The following ANO10 variants were observed in gnomAD, a reference collection of about 807,000 sequenced individuals.
ANO10 encodes anoctamin 10, also known as anoctamin-10.
In ANO10, 77 loss-of-function variants were observed where a neutral mutation model predicts 74.7. The observed-to-expected ratio is 1.03, with a 90% confidence interval of 0.86 to 1.25. ANO10 has a LOEUF of 1.25. Ranked by LOEUF, ANO10 falls within the 50% of genes most tolerant of loss-of-function variation. The probability of loss-of-function intolerance (pLI) is 0.00; values close to 1 mark genes in which losing one functional copy is unlikely to be tolerated. For synonymous variants in ANO10, 279 were observed against 284.9 expected (o/e 0.98, Z 0.21); for missense variants, 721 against 778.1 (o/e 0.93, Z 0.87).
At position 43,383,378 on chromosome 3, in the gene ANO10, T is replaced by C. The variant is rs556259513; in HGVS notation, c.1915-16404A>G. Among the ~76,000 whole-genome samples the C allele has an allele frequency of 3.6e-5, 5 of 140,814 alleles. No individual in the cohort carries two copies. In the East Asian group the frequency reaches 1.0e-3, roughly 29 times the overall value. The allele number at this position is 140,814 out of a possible 152,430, so 92.4% of individuals were successfully genotyped here. A position where few individuals can be genotyped will look rare whatever the true frequency, so the allele number is the denominator to read the frequency against. ...CTGACACAGGAGAATGGCGTGAACA[T>C]GGAAGGCAGAGCTTGCAGTGAGCCG... is the stretch of plus-strand genomic sequence containing the variant. On this transcript the variant is annotated intron_variant, in intron 12 of 12. Transcript: ENST00000292246.
At chr3:43,519,654 A>C (rs1460335203) in intron 11 of ANO10, among the ~76,000 whole-genome samples, 1 of 152,140 alleles carries the variant, frequency 6.6e-6, no homozygotes, top group Non-Finnish European at 1.5e-5. Flanking sequence ...ACTAGCCTCT[A>C]CATCAAGTAT....
intron 12 of ANO10, among the ~76,000 whole-genome samples, chr3:43,376,541 T>A (rs148820989): frequency 4.5e-4 from 68 of 152,342 alleles, no homozygotes; most frequent in African/African-American, 1.4e-3. Context: ...ACTTCTGGAA[T>A]GACCATCAAC....
chr3:43,503,666 A>G (rs902109984), intron 11 of ANO10, among the ~76,000 whole-genome samples: 2 of 152,214 alleles, frequency 1.3e-5, no homozygotes, highest in African/African-American at 4.8e-5. Flanking sequence ...CTATGAAAAC[A>G]TCTCTGAAGA....
At chr3:43,587,621 G>T (rs185844174) in intron 4 of ANO10, among the ~76,000 whole-genome samples, 1 of 152,174 alleles carries the variant, frequency 6.6e-6, no homozygotes, top group Admixed American at 6.5e-5. Flanking sequence ...AATGCAAAGG[G>T]AAGTGTCTAG....
chr3:43,599,072 C>G (rs2082220334), intron 3 of ANO10, among the ~76,000 whole-genome samples: 1 of 152,184 alleles, frequency 6.6e-6, no homozygotes, highest in South Asian at 2.1e-4. Context: ...CCTTCAAACT[C>G]TCAAGCCCAT....
chr3:43,448,963 C>G (rs2074718622), intron 11 of ANO10, among the ~76,000 whole-genome samples: 1 of 151,420 alleles, frequency 6.6e-6, no homozygotes, highest in Admixed American at 6.6e-5. Context: ...CTTCTGCCTC[C>G]CGGGTTCAAG....
At chr3:43,594,943 C>T (rs2082001429) in intron 4 of ANO10, among the ~76,000 whole-genome samples, 1 of 152,148 alleles carries the variant, frequency 6.6e-6, no homozygotes, top group Admixed American at 6.5e-5. Flanking sequence ...CACCACCGAT[C>T]CCACAGAAAT....
intron 11 of ANO10, among the ~76,000 whole-genome samples, chr3:43,527,637 C>T (rs938917283): frequency 6.6e-6 from 1 of 152,086 alleles, no homozygotes; most frequent in Non-Finnish European, 1.5e-5. Context: ...ATGGCATGAA[C>T]TTCGTGTTAC....
At chr3:43,426,202 A>G (rs2092898074) in intron 12 of ANO10, among the ~76,000 whole-genome samples, 2 of 152,168 alleles carry the variant, frequency 1.3e-5, no homozygotes, top group South Asian at 2.1e-4. Context: ...AAAATGCATA[A>G]TGAAACCAAA....
chr3:43,574,117 A>AT (rs1014595609), intron 7 of ANO10, among the ~76,000 whole-genome samples: 3 of 147,552 alleles, frequency 2.0e-5, no homozygotes, highest in East Asian at 2.0e-4. Context: ...TACCCGGTGA[A>AT]TTTTTTTTGT....
chr3:43,459,000 C>T (rs2075265088), intron 11 of ANO10, among the ~76,000 whole-genome samples: 1 of 152,140 alleles, frequency 6.6e-6, no homozygotes, highest in Admixed American at 6.5e-5. Context: ...GTCTCTACAA[C>T]AGTAAAACAA....
intron 11 of ANO10, among the ~76,000 whole-genome samples, chr3:43,496,907 C>T (rs2076937785): frequency 6.6e-6 from 1 of 152,140 alleles, no homozygotes; most frequent in African/African-American, 2.4e-5. Context: ...TAAGCTCCTT[C>T]CTGTTCCTGA....
chr3:43,654,812 G>T lies in ANO10; in HGVS notation c.-12+36705C>A, dbSNP rs75231125. On this transcript the variant is annotated intron_variant, in intron 1 of 3. Coordinates refer to the ANO10 transcript ENST00000413397. ...TAAACAACCAGTGCACTGGACTGGT[G>T]AAAAAATTGGCCCTACCTCTGACTT... 4.4e-3 allele frequency among the ~76,000 whole-genome samples: 668 copies of T among 152,308 alleles called. 3 individuals carry two copies. Among genetic ancestry groups the T allele is most frequent in the Non-Finnish European group, 7.7e-3 (527 of 68,028 alleles).
chr3:43,594,797 C>T (rs191521291), intron 4 of ANO10, among the ~76,000 whole-genome samples: 3 of 151,952 alleles, frequency 2.0e-5, no homozygotes, highest in South Asian at 2.1e-4. Flanking sequence ...ACACAAAAAA[C>T]CCTTCAAAAA....
At chr3:43,451,660 A>G (rs2074882131) in intron 11 of ANO10, among the ~76,000 whole-genome samples, 1 of 152,190 alleles carries the variant, frequency 6.6e-6, no homozygotes, top group African/African-American at 2.4e-5. Context: ...TGCAAAAGAA[A>G]TACAAGACAA....
chr3:43,386,569 TC>T (rs1439246886), intron 12 of ANO10, among the ~76,000 whole-genome samples: 1 of 152,154 alleles, frequency 6.6e-6, no homozygotes, highest in African/African-American at 2.4e-5. Flanking sequence ...TGCAAAGGTT[TC>T]TCTTCCTTGG....
At chr3:43,583,813 G>T (rs1165098613) in intron 4 of ANO10, among the ~76,000 whole-genome samples, 1 of 152,072 alleles carries the variant, frequency 6.6e-6, no homozygotes, top group Admixed American at 6.6e-5. Context: ...TCTTAATAAA[G>T]AAAACAGTAT....
At chr3:43,506,431 T>A (rs1369906030) in intron 11 of ANO10, among the ~76,000 whole-genome samples, 2 of 152,210 alleles carry the variant, frequency 1.3e-5, no homozygotes, top group East Asian at 3.9e-4. Flanking sequence ...GCTCATATCC[T>A]GTGCATTTTA....
intron 4 of ANO10, among the ~76,000 whole-genome samples, chr3:43,597,170 G>T (rs186407585): frequency 0.04 from 6,093 of 152,152 alleles, 159 homozygotes; most frequent in Non-Finnish European, 0.058. Flanking sequence ...TTGGTGGGAC[G>T]GTAAACTAGT....
Sources: gnomAD v4.1 joint callset for allele counts (sites outside exome capture counted in the v4.1 genomes callset) on GRCh38, gnomAD v4.1.1 for gene constraint, MANE v1.5 for transcripts, NCBI Gene and HGNC (gene_info 2026-07-23, HGNC 2026-07-21) for gene names.